UTP6: variants seen among roughly 807,000 people sequenced by gnomAD.
UTP6 encodes U3 small nucleolar RNA-associated protein 6 homolog.
A neutral mutation model predicts 96.5 loss-of-function variants in UTP6; 60 were observed. The ratio of observed to expected loss-of-function variants is 0.62; its 90% CI spans 0.51 to 0.77. UTP6 has a LOEUF of 0.77. Ranked by LOEUF, UTP6 falls within the 30% of genes least tolerant of loss-of-function variation. UTP6 has a pLI of 0.00. For synonymous variants in UTP6, 215 were observed against 240.1 expected (o/e 0.90, Z 0.96); for missense variants, 637 against 706.5 (o/e 0.90, Z 1.12).
chr17:31,886,102 A>G, intron 8 of UTP6, 41 bp from the exon 9 acceptor site: 1 of 1,563,812 alleles, frequency 6.4e-7, no homozygotes, highest in Non-Finnish European at 8.7e-7. Context: ...CAGGTAGTAC[A>G]AGGAGGAAAA....
chr17:31,869,368 A>T (rs999339362), intron 16 of UTP6, among the ~76,000 whole-genome samples: 1 of 152,064 alleles, frequency 6.6e-6, no homozygotes, highest in African/African-American at 2.4e-5. Flanking sequence ...GGGTCTCGCT[A>T]TGTTGCTCAG....
intron 2 of UTP6, among the ~76,000 whole-genome samples, chr17:31,898,970 T>G (rs1159797909): frequency 6.7e-6 from 1 of 149,760 alleles, no homozygotes; most frequent in Non-Finnish European, 1.5e-5. Context: ...AGGCAGTGGT[T>G]GCAGTGAGCC....
intron 10 of UTP6, among the ~76,000 whole-genome samples, chr17:31,883,801 A>G (rs895530146): frequency 6.6e-6 from 1 of 151,106 alleles, no homozygotes; most frequent in Non-Finnish European, 1.5e-5. Context: ...CTCAGCCTCC[A>G]GAGTAGGTAG....
At chr17:31,889,512 T>C (rs1911351019) in intron 6 of UTP6, 109 bp from the exon 7 acceptor site, 3 of 909,166 alleles carry the variant, frequency 3.3e-6, no homozygotes, top group Non-Finnish European at 4.9e-6. Context: ...TTTTTTTTTT[T>C]TTTTGAGACA....
At chr17:31,894,588 A>G in intron 4 of UTP6, 57 bp downstream of exon 4, 1 of 1,209,822 alleles carries the variant, frequency 8.3e-7, no homozygotes, top group South Asian at 1.3e-5. Context: ...CCCTAATACA[A>G]TATGTATAAT....
At position 31,884,503 on chromosome 17, in the gene UTP6, C is replaced by A; in HGVS notation, c.706G>T (p.Ala236Ser). The change falls in exon 10 of 19, where the codon GCA becomes TCA. Residue 236 changes from alanine to serine, a missense_variant and splice_region_variant. By Grantham distance (99) the Ala-to-Ser change is moderately conservative. Coordinates refer to ENST00000261708, the MANE Select transcript of UTP6 (RefSeq NM_018428.3). Reference protein sequence around the residue: ...YKNSVSIIKGAEFHVSLLSIA... With the variant: ...YKNSVSIIKGSEFHVSLLSIA... ...GAAAGCAGTGACACGTGAAATTCTG[C>A]ACCTAAATTTAAAAAGCAGGGGAGG... 1 of 1,609,580 alleles carries A rather than the reference C, an allele frequency of 6.2e-7. No individual in the cohort carries two copies. Among genetic ancestry groups the A allele is most frequent in the Non-Finnish European group, 8.5e-7 (1 of 1,178,274 alleles).
Position 31,875,246 on chromosome 17 carries a change from G to A in UTP6, c.1293C>T (p.His431=). The change falls in exon 14 of 19, where the codon CAC becomes CAT. Residue 431 remains histidine (H), a synonymous_variant. Transcript: ENST00000261708. ...CCAGCTCACTGACCTGGGGTTTCAG[G>A]TGCACAAAGGCTTCTTCAAAAAGCA... is the stretch of plus-strand genomic sequence containing the variant. ...IAMLFEEAFV[H]LKPQVCLPLW... is the part of the protein sequence containing the mutation. 1 of 1,613,964 alleles carries A rather than the reference G, an allele frequency of 6.2e-7. No homozygotes were observed. Among genetic ancestry groups the A allele is most frequent in the Non-Finnish European group, 8.5e-7 (1 of 1,179,986 alleles).
At chr17:31,873,136 C>A (rs1910285689) in intron 16 of UTP6, 1 of 369,616 alleles carries the variant, frequency 2.7e-6, no homozygotes, top group Non-Finnish European at 4.9e-6. Flanking sequence ...TGCCTGTAAT[C>A]CTAGCTACTC....
intron 17 of UTP6, among the ~76,000 whole-genome samples, chr17:31,865,923 A>G (rs538318808): frequency 4.6e-5 from 7 of 152,304 alleles, no homozygotes; most frequent in African/African-American, 1.7e-4. Context: ...ACAAGCTTTA[A>G]TATCTCTTAG....
intron 1 of UTP6, among the ~76,000 whole-genome samples, chr17:31,900,692 A>G (rs1306692940): frequency 6.6e-6 from 1 of 152,158 alleles, no homozygotes; most frequent in African/African-American, 2.4e-5. Flanking sequence ...CAACATGTAA[A>G]TTTTTTTAAA....
chr17:31,885,919 T>A, intron 9 of UTP6, 61 bp downstream of exon 9: 1 of 1,469,464 alleles, frequency 6.8e-7, no homozygotes, highest in Non-Finnish European at 9.4e-7. Context: ...TAGCTAAAGA[T>A]CTTCATTAAG....
rs977689396 is a variant in UTP6 at position 31,868,395 on chromosome 17, T to C, written c.1497-283A>G. Reference sequence around the variant, plus strand: ...CCCAGGCTGGAGTGCAGTATTGCAATCATAGCTCACTGCAGCCCTGAATTC... The same window carrying C: ...CCCAGGCTGGAGTGCAGTATTGCAACCATAGCTCACTGCAGCCCTGAATTC... On this transcript the variant is annotated intron_variant, in intron 16 of 18. Coordinates refer to ENST00000261708, the MANE Select transcript of UTP6 (RefSeq NM_018428.3). Among the ~76,000 whole-genome samples the C allele has an allele frequency of 3.0e-5, 4 of 132,238 alleles. No homozygotes were observed. The South Asian group carries it at 1.1e-3, about 36-fold the overall frequency. The allele number at this position is 132,238 out of a possible 152,430, so 86.8% of individuals were successfully genotyped here.
At chr17:31,883,837 T>C (rs183586794) in intron 10 of UTP6, among the ~76,000 whole-genome samples, 1 of 149,450 alleles carries the variant, frequency 6.7e-6, no homozygotes, top group Non-Finnish European at 1.5e-5. Flanking sequence ...CCACCACACC[T>C]AGCTTATTTT....
chr17:31,889,423 AGAT>A lies in UTP6; in HGVS notation c.425-23_425-21del, dbSNP rs1911338144. On this transcript the variant is annotated intron_variant, in intron 6 of 18. Transcript: ENST00000261708. ...ACAAAGCTGTAAGTGAAAAACCATC[AGAT>A]TTCATTTCAATAAATTAATCAAGTC... The A allele has an allele frequency of 6.4e-7, 1 of 1,569,682 alleles. No individual in the cohort carries two copies. The highest frequency in any genetic ancestry group is 1.7e-5 in the Admixed American group (1 of 57,296).
chr17:31,882,329 T>C (rs1289820647), intron 10 of UTP6, among the ~76,000 whole-genome samples: 1 of 135,980 alleles, frequency 7.4e-6, no homozygotes, highest in Non-Finnish European at 1.6e-5. Context: ...CTGCATCTGT[T>C]TTTTTTTTTT....
intron 2 of UTP6, among the ~76,000 whole-genome samples, chr17:31,897,932 C>T (rs536928540): frequency 1.8e-4 from 27 of 152,228 alleles, no homozygotes; most frequent in Non-Finnish European, 2.9e-4. Flanking sequence ...TCCAAGTGGA[C>T]AGACAATAGA....
intron 7 of UTP6, among the ~76,000 whole-genome samples, chr17:31,888,451 G>A (rs1014871302): frequency 3.3e-5 from 5 of 152,170 alleles, no homozygotes; most frequent in Admixed American, 6.5e-5. Flanking sequence ...GTTCACACCT[G>A]TAATCCCACC....
intron 4 of UTP6, 98 bp downstream of exon 4, chr17:31,894,547 C>A: frequency 6.0e-6 from 5 of 832,146 alleles, no homozygotes; most frequent in South Asian, 3.6e-5. Flanking sequence ...ATAAAGATAC[C>A]CAAGATAAAA....
In UTP6 at chr17:31,875,431, T is replaced by C; in HGVS notation, c.1126-18A>G. ...GAAACACTCTAGACAAGATGAAGGA[T>C]GACTGGAAAATTAATTACTGAAACC... On this transcript the variant is annotated intron_variant, in intron 13 of 18. Transcript: ENST00000261708. 1 of 1,604,092 alleles carries C rather than the reference T, an allele frequency of 6.2e-7. No individual in the cohort carries two copies. Among genetic ancestry groups the C allele is most frequent in the Non-Finnish European group, 8.5e-7 (1 of 1,173,650 alleles).
Sources: gnomAD v4.1 joint callset for allele counts (sites outside exome capture counted in the v4.1 genomes callset) on GRCh38, gnomAD v4.1.1 for gene constraint, MANE v1.5 for transcripts, NCBI Gene and HGNC (gene_info 2026-07-23, HGNC 2026-07-21) for gene names.